The following MACF1 variants were observed in gnomAD, a reference collection of about 807,000 sequenced individuals.
MACF1 encodes microtubule-actin cross-linking factor 1.
In MACF1, 193 loss-of-function variants were observed where a neutral mutation model predicts 854.8. The observed-to-expected ratio is 0.23, with a 90% CI of 0.20 to 0.25. The LOEUF is 0.25. Ranked by LOEUF, MACF1 falls within the 10% of genes least tolerant of loss-of-function variation. MACF1 has a pLI of 1.00. For missense variants in MACF1, 7,722 were observed against 8,929.1 expected, an observed-to-expected ratio of 0.86 and a Z score of 5.45; for synonymous variants, 3,185 against 3,226.7, an observed-to-expected ratio of 0.99 and a Z score of 0.44.
chr1:39,411,839 A>G (rs1643020679), intron 58 of MACF1: 3 of 1,613,872 alleles, frequency 1.9e-6, no homozygotes, highest in Admixed American at 1.7e-5. Context: ...GGCCTTTTAC[A>G]TGTAAGGGCA....
intron 2 of MACF1, among the ~76,000 whole-genome samples, chr1:39,182,000 A>G (rs1314411767): frequency 1.3e-5 from 2 of 151,978 alleles, no homozygotes; most frequent in African/African-American, 4.8e-5. Flanking sequence ...AAAATACAAA[A>G]ATTAGCTGGA....
intron 6 of MACF1, chr1:39,269,834 C>G: frequency 1.2e-6 from 1 of 839,244 alleles, no homozygotes; most frequent in Admixed American, 3.4e-5. Flanking sequence ...CAAACTTACC[C>G]CCATGTGGGT....
intron 6 of MACF1, among the ~76,000 whole-genome samples, chr1:39,278,234 T>C (rs1028275830): frequency 2.6e-5 from 4 of 152,302 alleles, no homozygotes; most frequent in South Asian, 2.1e-4. Flanking sequence ...TGCACACATA[T>C]CATGTGTGAG....
At position 39,387,457 on chromosome 1, in the gene MACF1, C is replaced by T. The variant is rs1277994018; in HGVS notation, c.14615C>T (p.Thr4872Ile). 6.2e-7 allele frequency: 1 copy of T among 1,614,002 alleles called. No homozygotes were observed. The highest frequency in any genetic ancestry group is 8.5e-7 in the Non-Finnish European group (1 of 1,180,028). The stretch of plus-strand genomic sequence containing the variant: ...GTACCTCCTGGAGAAGAGAAAAGGA[C>T]TCTACAAAACCAGTTGGTTGAGCTC... ...LSVPPGEEKR[T>I]LQNQLVELKN... The change falls in exon 58 of 101, where the codon ACT (threonine) becomes ATT (isoleucine). Residue 4872 changes from threonine (T) to isoleucine (I), a missense_variant. Coordinates refer to ENST00000564288, the MANE Select transcript of MACF1 (RefSeq NM_001394062.1).
chr1:39,087,879 T>G, intron 2 of MACF1, among the ~76,000 whole-genome samples: 1 of 152,148 alleles, frequency 6.6e-6, no homozygotes, highest in East Asian at 1.9e-4. Flanking sequence ...TTCAAGCAAT[T>G]CTTCTGCCTC....
At chr1:39,106,007 G>A (rs775823703) in intron 2 of MACF1, among the ~76,000 whole-genome samples, 3 of 152,240 alleles carry the variant, frequency 2.0e-5, no homozygotes, top group Non-Finnish European at 4.4e-5. Flanking sequence ...CCTGGAGACC[G>A]GCCGCCGTGG....
chr1:39,341,872 A>G (rs971426681), intron 40 of MACF1, among the ~76,000 whole-genome samples: 1 of 151,286 alleles, frequency 6.6e-6, no homozygotes, highest in Non-Finnish European at 1.5e-5. Flanking sequence ...ATCCAATCCT[A>G]CGTGCACACA....
In MACF1 at chr1:39,103,296, G is replaced by A. The variant is rs535945195; in HGVS notation, c.220+18858G>A. 49 of 309,498 alleles carry A rather than the reference G, an allele frequency of 1.6e-4. 2 individuals carry two copies. Among genetic ancestry groups the A allele is most frequent in the African/African-American group, 8.0e-4 (37 of 46,152 alleles). 19.2% of individuals were successfully genotyped at this position (309,498 alleles called of 1,614,324 possible). A position where few individuals can be genotyped will look rare whatever the true frequency, so the allele number is the denominator to read the frequency against. ...TTGAGGAACCTGCTCACAAAGTGGC[G>A]CGTGTAGCAGCCCCAGGTGGGAATG... On this transcript the variant is annotated intron_variant, in intron 2 of 93. Transcript: ENST00000361689.
At chr1:39,410,062 C>T in intron 58 of MACF1, 1 of 459,834 alleles carries the variant, frequency 2.2e-6, no homozygotes, top group South Asian at 6.0e-5. Flanking sequence ...AGGCTGCTAG[C>T]CTGTGAGGAA....
At chr1:39,100,358 G>A (rs1642038647) in intron 2 of MACF1, among the ~76,000 whole-genome samples, 1 of 152,142 alleles carries the variant, frequency 6.6e-6, no homozygotes. Context: ...GGGAAAGGAG[G>A]TACACACAAG....
At chr1:39,140,914 CAAAAAAAAAA>C (rs34687844) in intron 2 of MACF1, among the ~76,000 whole-genome samples, 23 of 48,292 alleles carry the variant, frequency 4.8e-4, no homozygotes, top group Admixed American at 1.1e-3. Flanking sequence ...GACTCTGTCT[CAAAAAAAAAA>C]AAAAAAAAAA....
At chr1:39,232,765 T>TTTTGTTTG (rs1182748875) in intron 2 of MACF1, among the ~76,000 whole-genome samples, 10 of 138,054 alleles carry the variant, frequency 7.2e-5, no homozygotes, top group Non-Finnish European at 7.8e-5. Context: ...TTTTTTTTTT[T>TTTTGTTTG]TTTGTTTGTT....
At chr1:39,417,573 G>A (rs1304143585) in intron 58 of MACF1, among the ~76,000 whole-genome samples, 1 of 151,180 alleles carries the variant, frequency 6.6e-6, no homozygotes, top group Non-Finnish European at 1.5e-5. Flanking sequence ...TTTAGACAGA[G>A]TCTCACTCTG....
chr1:39,485,252 T>C (rs1009201737), intron 100 of MACF1: 54 of 391,926 alleles, frequency 1.4e-4, no homozygotes, highest in Middle Eastern at 6.7e-4. Flanking sequence ...CTCACCCACC[T>C]GTGCTGAGGT....
At chr1:39,233,337 C>T (rs1011148623) in intron 2 of MACF1, among the ~76,000 whole-genome samples, 2 of 152,120 alleles carry the variant, frequency 1.3e-5, no homozygotes, top group African/African-American at 4.8e-5. Context: ...CCTGGCCAAC[C>T]CAGGTCTTTC....
In MACF1 at chr1:39,292,118, A is replaced by C. The variant is rs1037239434; in HGVS notation, c.1914+80A>C. On this transcript the variant is annotated intron_variant, in intron 16 of 100. Transcript: ENST00000564288. ...AGGACAGTACACACAATAAAGCTGT[A>C]TTGAAGGAGGAGGGTGCTCTGGAAA... The C allele has an allele frequency of 5.3e-6, 8 of 1,505,286 alleles. No homozygotes were observed. In the African/African-American group the frequency reaches 5.5e-5, roughly 10 times the overall value. 93.2% of individuals were successfully genotyped at this position (1,505,286 alleles called of 1,614,324 possible). A position where few individuals can be genotyped will look rare whatever the true frequency, so the allele number is the denominator to read the frequency against.
intron 58 of MACF1, among the ~76,000 whole-genome samples, chr1:39,421,739 G>A (rs560927349): frequency 2.0e-5 from 3 of 152,154 alleles, no homozygotes; most frequent in South Asian, 2.1e-4. Context: ...ACAGCATTTC[G>A]AGGTTGATGC....
chr1:39,395,377 TTA>T (rs1157242504), intron 58 of MACF1, among the ~76,000 whole-genome samples: 19 of 152,338 alleles, frequency 1.2e-4, no homozygotes, highest in African/African-American at 4.3e-4. Flanking sequence ...GATAATCTGA[TTA>T]TGACTGTGTG....
chr1:39,137,810 A>G (rs1643220052), intron 2 of MACF1, among the ~76,000 whole-genome samples: 1 of 152,108 alleles, frequency 6.6e-6, no homozygotes, highest in South Asian at 2.1e-4. Context: ...GTGGTGGGTC[A>G]TGCCTGTATT....
Sources: gnomAD v4.1 joint callset for allele counts (sites outside exome capture counted in the v4.1 genomes callset) on GRCh38, gnomAD v4.1.1 for gene constraint, MANE v1.5 for transcripts, NCBI Gene and HGNC (gene_info 2026-07-23, HGNC 2026-07-21) for gene names.